DNAH11: variants seen among roughly 807,000 people sequenced by gnomAD.
The protein encoded by DNAH11 is axonemal beta dynein heavy chain 11.
Under a neutral mutation model 526.0 loss-of-function variants are expected in DNAH11, and 442 were observed. The ratio of observed to expected loss-of-function variants is 0.84; its 90% CI spans 0.78 to 0.91. The LOEUF (loss-of-function observed/expected upper bound fraction) is 0.91. DNAH11 is among the 40% of genes least tolerant of loss of function. DNAH11 has a pLI of 0.00. For missense variants in DNAH11, 6,989 were observed against 5,448.7 expected (o/e 1.28, Z -8.90); for synonymous variants, 2,461 against 1,935.9 (o/e 1.27, Z -7.12).
chr7:21,834,621 A>T (rs1019289127), intron 65 of DNAH11, among the ~76,000 whole-genome samples: 2 of 152,158 alleles, frequency 1.3e-5, no homozygotes, highest in African/African-American at 4.8e-5. Context: ...TCGCTTGAGG[A>T]CAGGAGTTTG....
At chr7:21,548,592 T>C (rs997696123) in intron 2 of DNAH11, among the ~76,000 whole-genome samples, 7 of 152,290 alleles carry the variant, frequency 4.6e-5, no homozygotes, top group African/African-American at 1.7e-4. Context: ...GTGAAGGCAA[T>C]TGGACTAAAG....
intron 75 of DNAH11, among the ~76,000 whole-genome samples, chr7:21,881,626 A>G (rs1783927559): frequency 6.6e-6 from 1 of 152,214 alleles, no homozygotes; most frequent in Non-Finnish European, 1.5e-5. Context: ...TAAGACTAGG[A>G]TACATGTGTC....
chr7:21,755,955 C>T (rs1407110084), intron 54 of DNAH11, among the ~76,000 whole-genome samples: 8 of 151,980 alleles, frequency 5.3e-5, no homozygotes, highest in Non-Finnish European at 5.9e-5. Flanking sequence ...TTTATATAAT[C>T]GATGTTATTT....
chr7:21,622,372 A>T (rs1436360763), intron 25 of DNAH11, among the ~76,000 whole-genome samples: 1 of 152,242 alleles, frequency 6.6e-6, no homozygotes, highest in Non-Finnish European at 1.5e-5. Context: ...AAGAATCAAT[A>T]TTGTGAAAAT....
chr7:21,807,342 T>C (rs1361470384), intron 62 of DNAH11, among the ~76,000 whole-genome samples: 2 of 152,182 alleles, frequency 1.3e-5, no homozygotes, highest in African/African-American at 4.8e-5. Flanking sequence ...CTACAAAAAA[T>C]ACAAAAATTT....
chr7:21,738,875 G>A lies in DNAH11; in HGVS notation c.7811+9G>A. On this transcript the variant is annotated intron_variant, in intron 47 of 81. Coordinates refer to ENST00000409508, the MANE Select transcript of DNAH11 (RefSeq NM_001277115.2). The stretch of plus-strand genomic sequence containing the variant: ...ATTGATTATGGACATTGGTAAGCAA[G>A]TCTCTGTAGTTTACTCTCTCCCAAA... The A allele has an allele frequency of 1.3e-6, 2 of 1,574,174 alleles. No individual in the cohort carries two copies. The highest frequency in any genetic ancestry group is 2.5e-5 in the South Asian group (2 of 81,112).
At chr7:21,764,204 A>C (rs1173107688) in intron 54 of DNAH11, among the ~76,000 whole-genome samples, 1 of 152,186 alleles carries the variant, frequency 6.6e-6, no homozygotes, top group African/African-American at 2.4e-5. Flanking sequence ...AATAAAAGAA[A>C]ACATTTTGAT....
intron 55 of DNAH11, among the ~76,000 whole-genome samples, chr7:21,769,915 G>C (rs1050378680): frequency 6.6e-6 from 1 of 152,062 alleles, no homozygotes; most frequent in South Asian, 2.1e-4. Context: ...GCTTCTGCTG[G>C]ACTTTGTCTT....
intron 74 of DNAH11, among the ~76,000 whole-genome samples, chr7:21,878,584 A>G (rs1288708130): frequency 6.6e-6 from 1 of 152,144 alleles, no homozygotes; most frequent in African/African-American, 2.4e-5. Flanking sequence ...TAATGATTGT[A>G]TATTTCCAAG....
At position 21,709,977 on chromosome 7, in the gene DNAH11, G is replaced by A. The variant is rs115470155; in HGVS notation, c.6684-576G>A. On this transcript the variant is annotated intron_variant, in intron 40 of 81. Transcript: ENST00000409508. ...AAATATGTCACATCAAATACACAGT[G>A]CTTAGATATGTAGTAATGGCAAAAG... 2.1e-3 allele frequency among the ~76,000 whole-genome samples: 327 copies of A among 152,290 alleles called. 2 individuals carry two copies. Among genetic ancestry groups the A allele is most frequent in the African/African-American group, 7.6e-3 (315 of 41,538 alleles).
At chr7:21,784,894 A>T (rs1003954053) in intron 58 of DNAH11, among the ~76,000 whole-genome samples, 1 of 152,204 alleles carries the variant, frequency 6.6e-6, no homozygotes, top group Admixed American at 6.5e-5. Flanking sequence ...TAGGCGAAGG[A>T]TTCTTTATTT....
Position 21,742,111 on chromosome 7 carries a change from C to T in DNAH11, c.8099C>T (p.Thr2700Met), listed in dbSNP as rs369684624. ...HQTMMCNFLP[T>M]AIKFHYIFNL... ...ACAATGATGTGTAACTTTTTACCCA[C>T]GGCTATTAAATTCCACTACATCTTT... Residue 2700 changes from threonine (T) to methionine (M), a missense_variant, in exon 49 of 82, where the codon ACG becomes ATG. Transcript: ENST00000409508. 1.9e-5 allele frequency: 30 copies of T among 1,613,730 alleles called. No individual in the cohort carries two copies. The highest frequency in any genetic ancestry group is 2.3e-5 in the Non-Finnish European group (27 of 1,179,802).
intron 20 of DNAH11, among the ~76,000 whole-genome samples, chr7:21,608,000 G>A (rs1785369491): frequency 7.0e-6 from 1 of 141,960 alleles, no homozygotes; most frequent in Non-Finnish European, 1.5e-5. Flanking sequence ...ATTTCTGTTA[G>A]TAAGTGACAG....
At chr7:21,547,621 A>G (rs1362599197) in intron 2 of DNAH11, among the ~76,000 whole-genome samples, 1 of 151,888 alleles carries the variant, frequency 6.6e-6, no homozygotes, top group African/African-American at 2.4e-5. Context: ...CAATAACGAA[A>G]CTTTCTTCCC....
chr7:21,826,672 CAA>C (rs1368127929), intron 65 of DNAH11, among the ~76,000 whole-genome samples: 2 of 151,704 alleles, frequency 1.3e-5, no homozygotes, highest in South Asian at 2.1e-4. Flanking sequence ...ATTGTAAAGA[CAA>C]GAGATAGCAT....
rs568002562 is a variant in DNAH11 at position 21,721,052 on chromosome 7, C to G, written c.7266+196C>G. 9.9e-5 allele frequency among the ~76,000 whole-genome samples: 15 copies of G among 152,268 alleles called. No homozygotes were observed. In the South Asian group the frequency reaches 3.1e-3, roughly 32 times the overall value. On this transcript the variant is annotated intron_variant, in intron 44 of 81. Coordinates refer to ENST00000409508, the MANE Select transcript of DNAH11 (RefSeq NM_001277115.2). Reference sequence around the variant, plus strand: ...CTAACCCCAGCTGACAATGCCAAATCCATACCCTCCAGCCTGGCTGTGTCT... The same window carrying G: ...CTAACCCCAGCTGACAATGCCAAATGCATACCCTCCAGCCTGGCTGTGTCT...
rs1783371257 is a variant in DNAH11 at position 21,559,628 on chromosome 7, C to G, written c.718C>G (p.Leu240Val). Reference protein sequence around the residue: ...NKPPSNERIILHAIESVVIEW... With the variant: ...NKPPSNERIIVHAIESVVIEW... ...GCCACCGTCAAACGAAAGGATAATACTTCATGCAATTGAATCTGTGGTTAT... is the reference window on the plus strand; with the variant it reads ...GCCACCGTCAAACGAAAGGATAATAGTTCATGCAATTGAATCTGTGGTTAT... Residue 240 changes from leucine (L) to valine (V), a missense_variant, in exon 4 of 82, where the codon CTT (leucine) becomes GTT (valine). Transcript: ENST00000409508. 2 of 1,610,054 alleles carry G rather than the reference C, an allele frequency of 1.2e-6. No homozygotes were observed. Among genetic ancestry groups the G allele is most frequent in the African/African-American group, 2.7e-5 (2 of 74,766 alleles).
At chr7:21,801,327 G>A (rs755533650) in intron 62 of DNAH11, 52 bp downstream of exon 62, 1 of 1,599,062 alleles carries the variant, frequency 6.3e-7, no homozygotes, top group Non-Finnish European at 8.5e-7. Flanking sequence ...ATCAGCTTGT[G>A]GGGATTTTAT....
intron 20 of DNAH11, among the ~76,000 whole-genome samples, chr7:21,610,048 A>T (rs563875463): frequency 2.0e-5 from 3 of 152,272 alleles, no homozygotes; most frequent in African/African-American, 7.2e-5. Context: ...AGGTCAGGAG[A>T]TGGAGACCAT....
Sources: gnomAD v4.1 joint callset for allele counts (sites outside exome capture counted in the v4.1 genomes callset) on GRCh38, gnomAD v4.1.1 for gene constraint, MANE v1.5 for transcripts, NCBI Gene and HGNC (gene_info 2026-07-23, HGNC 2026-07-21) for gene names.